The following SMPD4 variants were observed in gnomAD, a reference collection of about 807,000 sequenced individuals.
The protein encoded by SMPD4 is neutral sphingomyelinase 3.
In SMPD4, 58 loss-of-function variants were observed where a neutral mutation model predicts 97.8. The observed-to-expected ratio is 0.59, with a 90% CI of 0.48 to 0.74. The LOEUF is 0.74. Among genes scored for constraint, SMPD4 ranks in the 30% least tolerant of loss-of-function variants. The pLI is 0.00. For missense variants in SMPD4, 853 were observed against 1,080.5 expected (o/e 0.79, Z 2.95); for synonymous variants, 388 against 450.0 (o/e 0.86, Z 1.74).
Position 130,156,043 on chromosome 2 carries a change from C to A in SMPD4, c.1281G>T (p.Ser427=). Residue 427 remains serine (S), a synonymous_variant, in exon 14 of 20, where the codon TCG becomes TCT. Coordinates refer to ENST00000680298, the MANE Select transcript of SMPD4 (RefSeq NM_017951.5). ...PGSDSQPRCV[S]EKWAPFVQEN... ...GAGGAGCTGAGGCTCACCATTTCTC[C>A]GACACACACCGGGGCTGGGAGTCGC... 6.2e-7 allele frequency: 1 copy of A among 1,611,314 alleles called. No homozygotes were observed. The highest frequency in any genetic ancestry group is 8.5e-7 in the Non-Finnish European group (1 of 1,179,774).
At chr2:130,174,077 G>T (rs1230046477) in intron 3 of SMPD4, among the ~76,000 whole-genome samples, 2 of 152,210 alleles carry the variant, frequency 1.3e-5, no homozygotes, top group African/African-American at 2.4e-5. Context: ...CTGGAGTGCA[G>T]TGGCGCAATT....
Position 130,153,080 on chromosome 2 carries a change from C to A in SMPD4, c.2117G>T (p.Arg706Leu). Residue 706 changes from arginine (R) to leucine (L), a missense_variant, in exon 19 of 20, where the codon CGC becomes CTC. This residue lies in a region of SMPD4 where 511 missense variants were observed against 608.1 expected (regional missense o/e 0.84). Transcript: ENST00000680298. ...IRSYEIASLV[R>L]TLFRLSSAIN... ...GGCAGACGACAGCCTAAAGAGTGTG[C>A]GGACCAAGCTGGCGATCTCATAGCT... is the stretch of plus-strand genomic sequence containing the variant. 6.2e-7 allele frequency: 1 copy of A among 1,613,016 alleles called. No individual in the cohort carries two copies. Among genetic ancestry groups the A allele is most frequent in the African/African-American group, 1.3e-5 (1 of 75,010 alleles).
Position 130,173,551 on chromosome 2 carries a change from C to T in SMPD4, c.232G>A (p.Val78Met), listed in dbSNP as rs1163781830. 3 of 1,612,734 alleles carry T rather than the reference C, an allele frequency of 1.9e-6. No individual in the cohort carries two copies. Among genetic ancestry groups the T allele is most frequent in the Middle Eastern group, 1.7e-4 (1 of 6,054 alleles). Residue 78 changes from valine to methionine, a missense_variant, in exon 4 of 20, where the codon GTG becomes ATG. Transcript: ENST00000680298. ...AATTCCATCACGATGCTGTACTCCA[C>T]AGGATTCACGCGCCCCTGTAAGCAG... ...LRCLQGRVNP[V>M]EYSIVMEFLD...
At chr2:130,159,244 C>T (rs1687155708) in intron 11 of SMPD4, among the ~76,000 whole-genome samples, 1 of 152,120 alleles carries the variant, frequency 6.6e-6, no homozygotes, top group African/African-American at 2.4e-5. Context: ...ATCCGCCTGC[C>T]TCAACCTCCC....
intron 10 of SMPD4, 52 bp from the exon 11 acceptor site, chr2:130,161,324 G>T: frequency 6.5e-7 from 1 of 1,529,924 alleles, no homozygotes; most frequent in Non-Finnish European, 9.1e-7. Context: ...CAGAGGACAA[G>T]AGAATGGGGT....
At chr2:130,156,003 G>A (rs894672360) in intron 14 of SMPD4, 32 bp downstream of exon 14, 51 of 1,599,060 alleles carry the variant, frequency 3.2e-5, no homozygotes, top group Non-Finnish European at 4.4e-5. Context: ...GGGGGAGCCA[G>A]TGGCATGTCT....
chr2:130,164,681 C>A (rs1379101093), intron 9 of SMPD4, among the ~76,000 whole-genome samples: 4 of 152,096 alleles, frequency 2.6e-5, no homozygotes, highest in African/African-American at 4.8e-5. Context: ...GAGAAAACTT[C>A]ATAACACTAG....
intron 7 of SMPD4, 41 bp downstream of exon 7, chr2:130,172,584 C>T (rs748703041): frequency 2.2e-5 from 36 of 1,613,882 alleles, no homozygotes; most frequent in Non-Finnish European, 2.7e-5. Flanking sequence ...AGCCCTGGGC[C>T]GTGGCCCCAC....
At position 130,152,558 on chromosome 2, in the gene SMPD4, G is replaced by A. The variant is rs143278484; in HGVS notation, c.2481C>T (p.Pro827=). ...GCTCTGAAGGCAGCTGACACCTTCA[G>A]GGCTGGTGCAGCTTCCCCCGCTCGG... ...LLTERGKLHQ[P] Residue 827 remains proline, a synonymous_variant, in exon 20 of 20, where the codon CCC becomes CCT. Coordinates refer to ENST00000680298, the MANE Select transcript of SMPD4 (RefSeq NM_017951.5). The A allele has an allele frequency of 1.3e-6, 2 of 1,546,104 alleles. No individual in the cohort carries two copies. The highest frequency in any genetic ancestry group is 1.7e-6 in the Non-Finnish European group (2 of 1,144,196).
intron 8 of SMPD4, among the ~76,000 whole-genome samples, chr2:130,170,097 T>G (rs72863874): frequency 0.14 from 18,130 of 131,270 alleles, no homozygotes; most frequent in East Asian, 0.42. Flanking sequence ...TAGTCACTGA[T>G]GTGACAGGCT....
chr2:130,178,427 AC>A (rs1220439268), intron 1 of SMPD4, among the ~76,000 whole-genome samples: 1 of 152,104 alleles, frequency 6.6e-6, no homozygotes, highest in African/African-American at 2.4e-5. Flanking sequence ...CCTCCATATT[AC>A]CTGTGCACTA....
intron 1 of SMPD4, 157 bp downstream of exon 1, chr2:130,181,373 C>T: frequency 2.1e-6 from 3 of 1,445,858 alleles, no homozygotes; most frequent in Non-Finnish European, 2.7e-6. Flanking sequence ...GAAGACTCAA[C>T]CGGGGCCCTC....
chr2:130,154,161 T>G, intron 16 of SMPD4, 116 bp downstream of exon 16: 3 of 1,282,558 alleles, frequency 2.3e-6, no homozygotes, highest in Non-Finnish European at 3.2e-6. Flanking sequence ...GAAGGAGATA[T>G]GGCGTCAAAT....
At chr2:130,158,676 T>C (rs1687085257) in intron 11 of SMPD4, among the ~76,000 whole-genome samples, 1 of 152,134 alleles carries the variant, frequency 6.6e-6, no homozygotes, top group African/African-American at 2.4e-5. Flanking sequence ...TCTGGTTGTT[T>C]AGCATTGGGA....
At chr2:130,168,160 G>A (rs561634269) in intron 8 of SMPD4, among the ~76,000 whole-genome samples, 3 of 152,306 alleles carry the variant, frequency 2.0e-5, no homozygotes, top group South Asian at 2.1e-4. Context: ...ACAAATGATC[G>A]TACCAACTTC....
chr2:130,151,399 C>CCA (rs1190669800), downstream of SMPD4: 4 of 152,056 alleles, frequency 2.6e-5, no homozygotes, highest in Non-Finnish European at 5.9e-5. Context: ...AGCCCAGGTG[C>CCA]CAGAAGACTC....
At position 130,155,195 on chromosome 2, in the gene SMPD4, C is replaced by G. The variant is rs138491461; in HGVS notation, c.1354G>C (p.Ala452Pro). Residue 452 changes from alanine to proline, a missense_variant, in exon 15 of 20, where the codon GCG becomes CCG. By Grantham distance (27) the Ala-to-Pro change is conservative. Around this residue, in one of 3 missense-constraint regions of SMPD4, gnomAD observed 511 missense variants for 608.1 expected, o/e 0.84. Coordinates refer to ENST00000680298, the MANE Select transcript of SMPD4 (RefSeq NM_017951.5). ...GGGCTGACCAGGTCTGTGCGGAGCGCGCGGTTCAGAAAGCCCACAAACAAC... is the reference window on the plus strand; with the variant it reads ...GGGCTGACCAGGTCTGTGCGGAGCGGGCGGTTCAGAAAGCCCACAAACAAC... ...TKLFVGFLNR[A>P]LRTDLVSPKH... The G allele has an allele frequency of 6.2e-7, 1 of 1,614,044 alleles. No homozygotes were observed. The highest frequency in any genetic ancestry group is 1.3e-5 in the African/African-American group (1 of 74,944).
intron 2 of SMPD4, among the ~76,000 whole-genome samples, chr2:130,175,927 A>G (rs2104915493): frequency 6.6e-6 from 1 of 152,276 alleles, no homozygotes; most frequent in South Asian, 2.1e-4. Context: ...AACACCTCCT[A>G]AGAACTAAAA....
rs1573672899 is a variant in SMPD4 at position 130,157,482 on chromosome 2, G to T, written c.952-86C>A. 8 of 1,569,338 alleles carry T rather than the reference G, an allele frequency of 5.1e-6. No individual in the cohort carries two copies. In the East Asian group the frequency reaches 1.9e-4, roughly 36 times the overall value. ...TCCAGGTCTGACCACATCCCGCCCTGAGCCAGTTGCTCTGCTGCCCCCACG... is the reference window on the plus strand; with the variant it reads ...TCCAGGTCTGACCACATCCCGCCCTTAGCCAGTTGCTCTGCTGCCCCCACG... On this transcript the variant is annotated intron_variant, in intron 11 of 19. Transcript: ENST00000680298.
Sources: allele counts gnomAD v4.1 joint callset (sites outside exome capture counted in the v4.1 genomes callset), GRCh38; gene constraint gnomAD v4.1.1; regional missense constraint gnomAD v4.1.1; transcripts MANE v1.5; gene names NCBI Gene and HGNC (gene_info 2026-07-23, HGNC 2026-07-21).